The following AQR variants were observed in gnomAD, a reference collection of about 807,000 sequenced individuals.
AQR encodes aquarius intron-binding spliceosomal factor, also known as RNA helicase aquarius.
Under a neutral mutation model 180.5 loss-of-function variants are expected in AQR, and 61 were observed. The ratio of observed to expected loss-of-function variants is 0.34; its 90% CI spans 0.28 to 0.42. The LOEUF is 0.42. Among genes scored for constraint, AQR ranks in the 10% least tolerant of loss-of-function variants. AQR has a pLI of 1.00. For missense variants in AQR, 1,281 were observed against 1,798.3 expected (o/e 0.71, Z 5.20); for synonymous variants, 551 against 588.8 (o/e 0.94, Z 0.93).
chr15:34,904,098 C>T (rs1276586846), intron 19 of AQR, among the ~76,000 whole-genome samples: 1 of 151,974 alleles, frequency 6.6e-6, no homozygotes, highest in Non-Finnish European at 1.5e-5. Context: ...TTGGATTCAT[C>T]TATATTTTAA....
At chr15:34,950,827 G>A (rs1344446371) in intron 4 of AQR, among the ~76,000 whole-genome samples, 1 of 152,002 alleles carries the variant, frequency 6.6e-6, no homozygotes, top group Non-Finnish European at 1.5e-5. Context: ...AGTATAGTTG[G>A]AATACATATG....
chr15:34,921,942 G>A (rs568842695), intron 13 of AQR, among the ~76,000 whole-genome samples: 6 of 152,020 alleles, frequency 3.9e-5, no homozygotes, highest in East Asian at 1.9e-4. Context: ...TCCCGAATAG[G>A]TGGAACCACA....
At chr15:34,897,779 T>C (rs1893271382) in intron 20 of AQR, 74 bp from the exon 21 acceptor site, 1 of 1,451,794 alleles carries the variant, frequency 6.9e-7, no homozygotes. Flanking sequence ...TGCATGACAT[T>C]GTATGCACGA....
intron 19 of AQR, among the ~76,000 whole-genome samples, chr15:34,903,033 C>CT (rs949076760): frequency 3.9e-5 from 6 of 152,220 alleles, no homozygotes; most frequent in East Asian, 1.9e-4. Context: ...GAAGATGCTA[C>CT]TTTAGGTAAG....
intron 4 of AQR, among the ~76,000 whole-genome samples, chr15:34,949,204 G>A (rs1468928186): frequency 2.0e-5 from 3 of 151,548 alleles, no homozygotes; most frequent in Non-Finnish European, 4.4e-5. Context: ...ATGTTGGTCA[G>A]GCTGGTCTTG....
intron 20 of AQR, among the ~76,000 whole-genome samples, chr15:34,898,481 T>C (rs1309887057): frequency 6.6e-6 from 1 of 152,204 alleles, no homozygotes; most frequent in African/African-American, 2.4e-5. Context: ...TGAATAGCTC[T>C]AGCAGTAAAC....
chr15:34,898,140 G>A (rs941630209), intron 20 of AQR, among the ~76,000 whole-genome samples: 2 of 152,118 alleles, frequency 1.3e-5, no homozygotes, highest in South Asian at 2.1e-4. Flanking sequence ...AGCGTATTTC[G>A]CCTGGGCATA....
intron 14 of AQR, among the ~76,000 whole-genome samples, chr15:34,918,646 T>C (rs1317629624): frequency 6.6e-6 from 1 of 152,238 alleles, no homozygotes; most frequent in South Asian, 2.1e-4. Flanking sequence ...CTTCCTAACC[T>C]TAGTTTCCTT....
chr15:34,960,937 C>A, intron 2 of AQR, 123 bp from the exon 3 acceptor site: 1 of 403,712 alleles, frequency 2.5e-6, no homozygotes, highest in South Asian at 2.9e-5. Flanking sequence ...AATATTACTG[C>A]TATTGAAATA....
At position 34,937,621 on chromosome 15, in the gene AQR, C is replaced by T. The variant is rs760409113; in HGVS notation, c.718+1116G>A. On this transcript the variant is annotated intron_variant, in intron 9 of 34. Transcript: ENST00000156471. ...ACAATTGGCCAAGCGTGGTGGCTCA[C>T]GCCTGTGATCCCAGCGCTTTGGGAG... Among the ~76,000 whole-genome samples the T allele has an allele frequency of 9.9e-5, 15 of 152,278 alleles. No individual in the cohort carries two copies. The East Asian group carries it at 1.5e-3, about 16-fold the overall frequency.
chr15:34,918,945 AAAT>A (rs1270736129), intron 14 of AQR, among the ~76,000 whole-genome samples: 3 of 152,206 alleles, frequency 2.0e-5, no homozygotes, highest in Non-Finnish European at 4.4e-5. Flanking sequence ...TCAAATATGA[AAAT>A]AAGTGTTACA....
chr15:34,874,004 C>T lies in AQR; in HGVS notation c.3426-5G>A. 6.3e-7 allele frequency: 1 copy of T among 1,584,778 alleles called. No homozygotes were observed. Among genetic ancestry groups the T allele is most frequent in the Non-Finnish European group, 8.6e-7 (1 of 1,164,994 alleles). On this transcript the variant is annotated splice_region_variant and splice_polypyrimidine_tract_variant and intron_variant, in intron 29 of 34. Transcript: ENST00000156471. ...CAGTTGTAGAGGTTGCACAAGCTTT[C>T]CAAAGACAAATTCCCCCACAAACAG...
At chr15:34,931,574 G>A (rs1316463537) in intron 11 of AQR, among the ~76,000 whole-genome samples, 1 of 152,162 alleles carries the variant, frequency 6.6e-6, no homozygotes, top group Non-Finnish European at 1.5e-5. Context: ...TTGGGAGGCC[G>A]AGGTGGCCAA....
At chr15:34,956,696 GAAAAAAA>G (rs565202160) in intron 3 of AQR, among the ~76,000 whole-genome samples, 2 of 83,370 alleles carry the variant, frequency 2.4e-5, no homozygotes, top group South Asian at 5.5e-4. Context: ...TAAGAAGTCA[GAAAAAAA>G]AAAAAAAAAA....
At chr15:34,921,768 T>C (rs1311327411) in intron 13 of AQR, among the ~76,000 whole-genome samples, 2 of 152,160 alleles carry the variant, frequency 1.3e-5, no homozygotes, top group South Asian at 2.1e-4. Context: ...AATTTTATCT[T>C]TTCCAGGAGG....
chr15:34,901,626 T>C (rs1171216415), intron 19 of AQR, among the ~76,000 whole-genome samples: 1 of 152,208 alleles, frequency 6.6e-6, no homozygotes, highest in East Asian at 1.9e-4. Context: ...AACCGACCAT[T>C]TTTAAATCAT....
In AQR at chr15:34,906,797, C is replaced by T. The variant is rs186674135; in HGVS notation, c.1664-85G>A. On this transcript the variant is annotated intron_variant, in intron 17 of 34. Transcript: ENST00000156471. ...GGCAAATTCTTATTTGCCTCTCTAC[C>T]TCTTATCTTTGGTAGAGAGATACCG... 31 of 1,351,464 alleles carry T rather than the reference C, an allele frequency of 2.3e-5. No homozygotes were observed. In the East Asian group the frequency reaches 7.2e-4, roughly 31 times the overall value. 83.7% of individuals were successfully genotyped at this position (1,351,464 alleles called of 1,614,324 possible).
At chr15:34,888,775 A>G (rs1342478242) in intron 24 of AQR, among the ~76,000 whole-genome samples, 1 of 152,236 alleles carries the variant, frequency 6.6e-6, no homozygotes, top group Non-Finnish European at 1.5e-5. Context: ...GTTTTAGGAT[A>G]GTGTAATTAT....
intron 2 of AQR, among the ~76,000 whole-genome samples, chr15:34,963,028 G>C (rs569152917): frequency 6.6e-6 from 1 of 152,294 alleles, no homozygotes; most frequent in Admixed American, 6.5e-5. Flanking sequence ...CCAGGCTGGA[G>C]TGCAGTGGCC....
Sources: allele counts gnomAD v4.1 joint callset (sites outside exome capture counted in the v4.1 genomes callset), GRCh38; gene constraint gnomAD v4.1.1; transcripts MANE v1.5; gene names NCBI Gene and HGNC (gene_info 2026-07-23, HGNC 2026-07-21).